SNTG1: variants seen among roughly 807,000 people sequenced by gnomAD.
SNTG1 encodes syntrophin gamma 1.
Under a neutral mutation model 74.7 loss-of-function variants are expected in SNTG1, and 39 were observed. The ratio of observed to expected loss-of-function variants is 0.52; its 90% confidence interval spans 0.40 to 0.68. The LOEUF is 0.68. Among genes scored for constraint, SNTG1 ranks in the 30% least tolerant of loss-of-function variants. The pLI is 0.00. For missense variants in SNTG1, 685 were observed against 609.5 expected (o/e 1.12, Z -1.30); for synonymous variants, 254 against 217.1 (o/e 1.17, Z -1.49).
At chr8:50,044,372 C>G (rs1047969166) in intron 1 of SNTG1, among the ~76,000 whole-genome samples, 4 of 152,124 alleles carry the variant, frequency 2.6e-5, no homozygotes, top group Admixed American at 2.0e-4. Flanking sequence ...TGTAAGAATC[C>G]TGAGTGTCTT....
chr8:50,690,111 T>G (rs565472646), intron 15 of SNTG1, among the ~76,000 whole-genome samples: 9 of 152,338 alleles, frequency 5.9e-5, no homozygotes, highest in African/African-American at 2.2e-4. Flanking sequence ...TTATCATTTT[T>G]TATTGCGTCT....
At chr8:50,410,250 G>T (rs1382865630) in intron 4 of SNTG1, among the ~76,000 whole-genome samples, 1 of 152,098 alleles carries the variant, frequency 6.6e-6, no homozygotes, top group Non-Finnish European at 1.5e-5. Flanking sequence ...CATCTGGGAG[G>T]CATGGTGTGT....
chr8:50,113,583 C>T (rs1213345779), intron 1 of SNTG1, among the ~76,000 whole-genome samples: 2 of 152,112 alleles, frequency 1.3e-5, no homozygotes, highest in East Asian at 1.9e-4. Context: ...ATTTCTTTCT[C>T]CTGCCTGATT....
chr8:50,700,252 A>G (rs1162542332), intron 15 of SNTG1, among the ~76,000 whole-genome samples: 1 of 152,182 alleles, frequency 6.6e-6, no homozygotes, highest in African/African-American at 2.4e-5. Flanking sequence ...AGTTATATAT[A>G]TATTATTACT....
intron 1 of SNTG1, among the ~76,000 whole-genome samples, chr8:50,161,755 G>GAAAAGA (rs1231463738): frequency 6.6e-6 from 1 of 150,840 alleles, no homozygotes; most frequent in Non-Finnish European, 1.5e-5. Context: ...GGAAGAAACA[G>GAAAAGA]AAAAGAAAAA....
chr8:50,076,740 C>T (rs2131045732), intron 1 of SNTG1, among the ~76,000 whole-genome samples: 1 of 151,960 alleles, frequency 6.6e-6, no homozygotes, highest in Non-Finnish European at 1.5e-5. Flanking sequence ...ATGTTGAGTT[C>T]CTTGGAAAAA....
chr8:50,170,385 GA>G (rs1563689891), intron 1 of SNTG1, among the ~76,000 whole-genome samples: 1 of 151,966 alleles, frequency 6.6e-6, no homozygotes, highest in African/African-American at 2.4e-5. Flanking sequence ...AACAACCTAT[GA>G]AAAAACTTAA....
At chr8:50,018,949 T>C (rs1014514020) in intron 1 of SNTG1, among the ~76,000 whole-genome samples, 4 of 152,020 alleles carry the variant, frequency 2.6e-5, no homozygotes, top group Admixed American at 6.6e-5. Context: ...AGAATTGTTA[T>C]ATGATCCAGC....
chr8:49,924,440 C>T (rs934976845), intron 1 of SNTG1, among the ~76,000 whole-genome samples: 4 of 152,086 alleles, frequency 2.6e-5, no homozygotes, highest in African/African-American at 7.2e-5. Flanking sequence ...TACTATGCCA[C>T]CTCAGTATGC....
chr8:50,225,191 C>G (rs984043505), intron 2 of SNTG1, among the ~76,000 whole-genome samples: 1 of 152,066 alleles, frequency 6.6e-6, no homozygotes, highest in Admixed American at 6.6e-5. Context: ...ACAGGATGGT[C>G]TTGATCTCCT....
At chr8:50,077,269 G>A (rs1821978773) in intron 1 of SNTG1, among the ~76,000 whole-genome samples, 1 of 152,058 alleles carries the variant, frequency 6.6e-6, no homozygotes, top group East Asian at 1.9e-4. Flanking sequence ...CAGATATTTT[G>A]ACTATCATGA....
intron 18 of SNTG1, among the ~76,000 whole-genome samples, chr8:50,779,933 AG>A (rs2095653759): frequency 6.6e-6 from 1 of 151,934 alleles, no homozygotes. Flanking sequence ...ATTTTGTCAA[AG>A]GCCTTTTCTG....
intron 2 of SNTG1, among the ~76,000 whole-genome samples, chr8:50,223,246 C>G (rs939002158): frequency 1.3e-5 from 2 of 151,942 alleles, no homozygotes; most frequent in South Asian, 4.1e-4. Flanking sequence ...AAGTACACAA[C>G]CTTGTAAATA....
intron 2 of SNTG1, among the ~76,000 whole-genome samples, chr8:50,282,071 A>T (rs575024665): frequency 1.3e-5 from 2 of 152,260 alleles, no homozygotes; most frequent in East Asian, 3.9e-4. Flanking sequence ...GGTCAGCCTG[A>T]CCATAAACGA....
intron 1 of SNTG1, among the ~76,000 whole-genome samples, chr8:49,933,869 A>T (rs965368180): frequency 2.6e-5 from 4 of 152,112 alleles, no homozygotes; most frequent in African/African-American, 9.7e-5. Context: ...TTGGTTGTGG[A>T]GGTTTGGCAG....
chr8:50,511,221 C>G (rs369591467), intron 9 of SNTG1, among the ~76,000 whole-genome samples: 1 of 152,068 alleles, frequency 6.6e-6, no homozygotes, highest in African/African-American at 2.4e-5. Flanking sequence ...TGTAGTTGAG[C>G]GGTTTTGACT....
intron 8 of SNTG1, 137 bp from the exon 9 acceptor site, chr8:50,502,641 C>A: frequency 1.5e-6 from 1 of 653,654 alleles, no homozygotes; most frequent in Non-Finnish European, 2.6e-6. Flanking sequence ...AATTAGCTCC[C>A]TCTATCTTTT....
At chr8:50,281,774 A>G (rs1267446509) in intron 2 of SNTG1, among the ~76,000 whole-genome samples, 1 of 152,226 alleles carries the variant, frequency 6.6e-6, no homozygotes, top group African/African-American at 2.4e-5. Context: ...TTTGCAAATT[A>G]AAAGTAGTCT....
intron 1 of SNTG1, among the ~76,000 whole-genome samples, chr8:50,162,489 G>T (rs1395903549): frequency 6.6e-6 from 1 of 150,714 alleles, no homozygotes; most frequent in East Asian, 2.0e-4. Flanking sequence ...ATGAACCCGG[G>T]AGGTGGAGCT....
Sources: gnomAD v4.1 joint callset for allele counts (sites outside exome capture counted in the v4.1 genomes callset) on GRCh38, gnomAD v4.1.1 for gene constraint, MANE v1.5 for transcripts, NCBI Gene and HGNC (gene_info 2026-07-23, HGNC 2026-07-21) for gene names.